The following TPO variants were observed in gnomAD, a reference collection of about 807,000 sequenced individuals.
TPO encodes thyroid microsomal antigen.
TPO carries 78 observed loss-of-function variants against 96.9 expected under a neutral mutation model. The observed-to-expected ratio is 0.81, with a 90% CI of 0.67 to 0.97. TPO has a LOEUF of 0.97. TPO is among the 50% of genes least tolerant of loss of function. The pLI is 0.00. For missense variants in TPO, 1,252 were observed against 1,274.8 expected (o/e 0.98, Z 0.27); for synonymous variants, 547 against 538.0 (o/e 1.02, Z -0.23).
chr2:1,383,534 G>A (rs557114365), intron 1 of TPO, among the ~76,000 whole-genome samples: 1 of 152,214 alleles, frequency 6.6e-6, no homozygotes, highest in African/African-American at 2.4e-5. Context: ...CTTTTGAGAA[G>A]TGTCTGTTCA....
chr2:1,515,505 C>T (rs1006250771), intron 14 of TPO, among the ~76,000 whole-genome samples: 4 of 152,176 alleles, frequency 2.6e-5, no homozygotes, highest in South Asian at 4.1e-4. Context: ...AGTCAGGATG[C>T]GCATTTAGGG....
chr2:1,423,541 C>G (rs1664010095), intron 3 of TPO, among the ~76,000 whole-genome samples: 1 of 152,062 alleles, frequency 6.6e-6, no homozygotes, highest in African/African-American at 2.4e-5. Context: ...GGGGCTCTCC[C>G]CCATTTTTGA....
Position 1,376,335 on chromosome 2 carries a change from T to TCC in TPO, n.180+1933_180+1934insCC, listed in dbSNP as rs1216955609. On this transcript the variant is annotated intron_variant and non_coding_transcript_variant, in intron 1 of 5. Transcript: ENST00000497517. ...TGGATTGACCAGACATTTTGCTCTT[T>TCC]TAAACAATGGTTTAGGGAGGTTCCT... Among the ~76,000 whole-genome samples, 1,217 of 152,342 alleles carry TCC rather than the reference T, an allele frequency of 8.0e-3. 20 individuals are homozygous for TCC. Among genetic ancestry groups the TCC allele is most frequent in the African/African-American group, 0.027 (1,140 of 41,584 alleles).
At chr2:1,470,427 A>G (rs951425820) in intron 7 of TPO, among the ~76,000 whole-genome samples, 6 of 151,992 alleles carry the variant, frequency 3.9e-5, no homozygotes, top group East Asian at 1.9e-4. Flanking sequence ...TTACGGTGCC[A>G]TTATTCATAA....
At chr2:1,462,477 A>C (rs1668536020) in intron 7 of TPO, among the ~76,000 whole-genome samples, 1 of 151,688 alleles carries the variant, frequency 6.6e-6, no homozygotes, top group Non-Finnish European at 1.5e-5. Flanking sequence ...CGATGTGAAC[A>C]AGAAAATTAC....
chr2:1,421,783 G>A (rs995578663), intron 2 of TPO, among the ~76,000 whole-genome samples: 9 of 152,162 alleles, frequency 5.9e-5, no homozygotes, highest in African/African-American at 2.2e-4. Context: ...GTCCACACCT[G>A]CCACCGATCC....
chr2:1,489,650 CTGAATGAA>C (rs59667255), intron 10 of TPO, among the ~76,000 whole-genome samples: 3,088 of 150,386 alleles, frequency 0.021, 115 homozygotes, highest in African/African-American at 0.071. Flanking sequence ...GGAACCCTCA[CTGAATGAA>C]TGAATGAATG....
chr2:1,452,894 G>A lies in TPO; in HGVS notation c.483-800G>A, dbSNP rs562649550. Among the ~76,000 whole-genome samples, 109 of 152,240 alleles carry A rather than the reference G, an allele frequency of 7.2e-4. No homozygotes were observed. In the South Asian group the frequency reaches 0.012, roughly 17 times the overall value. On this transcript the variant is annotated intron_variant, in intron 5 of 16. Coordinates refer to ENST00000329066, the MANE Select transcript of TPO (RefSeq NM_001206744.2). Reference sequence around the variant, plus strand: ...GCACCTTGCTTAACACAGTACACTCGGAACTAAGTGTGAAATCAAAATATT... The same window carrying A: ...GCACCTTGCTTAACACAGTACACTCAGAACTAAGTGTGAAATCAAAATATT...
chr2:1,401,220 T>C (rs751083396), intron 1 of TPO, among the ~76,000 whole-genome samples: 6 of 152,198 alleles, frequency 3.9e-5, no homozygotes, highest in Non-Finnish European at 8.8e-5. Context: ...AGTAAAACTT[T>C]AGGCAAAACA....
chr2:1,466,085 G>A (rs1668866686), intron 7 of TPO, among the ~76,000 whole-genome samples: 1 of 152,148 alleles, frequency 6.6e-6, no homozygotes, highest in Admixed American at 6.5e-5. Context: ...CAATTTTGCT[G>A]AGTTTTGATC....
At chr2:1,478,049 CA>C (rs1670153627) in intron 8 of TPO, 12 of 985,296 alleles carry the variant, frequency 1.2e-5, no homozygotes, top group African/African-American at 5.2e-5. Flanking sequence ...GTGGGTGGAC[CA>C]GGGGTGCTGG....
chr2:1,422,600 C>G (rs1042973890), intron 2 of TPO, among the ~76,000 whole-genome samples: 10 of 152,304 alleles, frequency 6.6e-5, no homozygotes, highest in African/African-American at 1.7e-4. Context: ...GGATCTTAAC[C>G]TCTTACACAT....
At chr2:1,413,231 T>A (rs537550565), upstream of TPO, among the ~76,000 whole-genome samples, 1 of 152,096 alleles carries the variant, frequency 6.6e-6, no homozygotes, top group African/African-American at 2.4e-5. Flanking sequence ...CCTGTATAAT[T>A]TTTCCCCTCT....
intron 10 of TPO, among the ~76,000 whole-genome samples, chr2:1,492,778 G>A (rs1328941694): frequency 6.6e-6 from 1 of 152,226 alleles, no homozygotes; most frequent in Non-Finnish European, 1.5e-5. Flanking sequence ...GCAGGGCGCT[G>A]AGAGTAGAAC....
intron 3 of TPO, among the ~76,000 whole-genome samples, chr2:1,427,436 C>T (rs1443124606): frequency 6.6e-6 from 1 of 152,202 alleles, no homozygotes; most frequent in Non-Finnish European, 1.5e-5. Context: ...TCTGGGCCAC[C>T]TGGCCAGGTG....
intron 2 of TPO, among the ~76,000 whole-genome samples, chr2:1,422,259 G>A (rs962334555): frequency 1.7e-4 from 13 of 76,984 alleles, no homozygotes; most frequent in Non-Finnish European, 2.9e-4. Context: ...GTGGGGACGA[G>A]CATGGAAGGC....
Position 1,477,389 on chromosome 2 carries a change from T to C in TPO, c.1123T>C (p.Cys375Arg). The change falls in exon 8 of 17, where the codon TGT becomes CGT. Residue 375 changes from cysteine (C) to arginine (R), a missense_variant. By Grantham distance (180) the Cys-to-Arg change is radical (BLOSUM62 -3). Coordinates refer to ENST00000329066, the MANE Select transcript of TPO (RefSeq NM_001206744.2). Reference sequence around the variant, plus strand: ...CGTGCCGCCACGCGCGCCTGCGGCCTGTGCGCCCGAGCCCGGCATCCCCGG... The same window carrying C: ...CGTGCCGCCACGCGCGCCTGCGGCCCGTGCGCCCGAGCCCGGCATCCCCGG... ...PFVPPRAPAA[C>R]APEPGIPGET... 2 of 1,526,644 alleles carry C rather than the reference T, an allele frequency of 1.3e-6. No individual in the cohort carries two copies. Among genetic ancestry groups the C allele is most frequent in the Non-Finnish European group, 1.8e-6 (2 of 1,139,178 alleles). 94.6% of individuals were successfully genotyped at this position (1,526,644 alleles called of 1,614,324 possible). A position where few individuals can be genotyped will look rare whatever the true frequency, so the allele number is the denominator to read the frequency against.
At chr2:1,511,840 T>C (rs1674165482) in intron 14 of TPO, among the ~76,000 whole-genome samples, 1 of 152,228 alleles carries the variant, frequency 6.6e-6, no homozygotes, top group South Asian at 2.1e-4. Context: ...AGCATGAGAA[T>C]CTGGGAGACC....
At chr2:1,374,194 T>G (rs1332019684), upstream of TPO, 2 of 152,200 alleles carry the variant, frequency 1.3e-5, no homozygotes, top group African/African-American at 4.8e-5. Flanking sequence ...GATGGAAATC[T>G]TTTTTACCCA....
Sources: allele counts gnomAD v4.1 joint callset (sites outside exome capture counted in the v4.1 genomes callset), GRCh38; gene constraint gnomAD v4.1.1; transcripts MANE v1.5; gene names NCBI Gene and HGNC (gene_info 2026-07-23, HGNC 2026-07-21).